PRKCZ: variants seen among roughly 807,000 people sequenced by gnomAD.
PRKCZ encodes protein kinase C zeta, also known as protein kinase C zeta type.
In PRKCZ, 33 loss-of-function variants were observed where a neutral mutation model predicts 79.5. The ratio of observed to expected loss-of-function variants is 0.41; its 90% CI spans 0.31 to 0.55. The LOEUF is 0.55. Ranked by LOEUF, PRKCZ falls within the 20% of genes least tolerant of loss-of-function variation. The probability of loss-of-function intolerance (pLI) is 0.19; values close to 1 mark genes in which losing one functional copy is unlikely to be tolerated. For synonymous variants in PRKCZ, 342 were observed against 320.9 expected (o/e 1.07, Z -0.70); for missense variants, 578 against 813.5 (o/e 0.71, Z 3.52).
At chr1:2,137,074 G>A (rs868385969) in intron 5 of PRKCZ, among the ~76,000 whole-genome samples, 13 of 152,288 alleles carry the variant, frequency 8.5e-5, no homozygotes, top group Non-Finnish European at 5.9e-5. Context: ...AGCCTCAGAA[G>A]CAGGGAAGCC....
chr1:2,062,294 T>C (rs1270539379), intron 4 of PRKCZ, among the ~76,000 whole-genome samples: 2 of 152,154 alleles, frequency 1.3e-5, no homozygotes, highest in African/African-American at 4.8e-5. Context: ...GCTCAGCCTC[T>C]GTCTCTGTGG....
chr1:2,119,887 A>G lies in PRKCZ; in HGVS notation c.335-15375A>G, dbSNP rs573094427. 5.3e-4 allele frequency among the ~76,000 whole-genome samples: 81 copies of G among 151,514 alleles called. 2 individuals carry two copies. Among genetic ancestry groups the G allele is most frequent in the African/African-American group, 1.9e-3 (79 of 41,220 alleles). ...CTGCAGCCTCCACCTCCCAGGTTCA[A>G]GCGATTCTCCTGGCTCAGCCTCCTG... is the stretch of plus-strand genomic sequence containing the variant. On this transcript the variant is annotated intron_variant, in intron 4 of 17. Coordinates refer to ENST00000378567, the MANE Select transcript of PRKCZ (RefSeq NM_002744.6).
intron 11 of PRKCZ, chr1:2,171,575 C>A (rs1684444444): frequency 6.5e-6 from 1 of 154,518 alleles, no homozygotes; most frequent in African/African-American, 2.4e-5. Flanking sequence ...GCCATGTTGC[C>A]CAGGCTGGTC....
chr1:2,131,707 C>T (rs914081754), intron 4 of PRKCZ, among the ~76,000 whole-genome samples: 10 of 152,200 alleles, frequency 6.6e-5, no homozygotes, highest in South Asian at 2.1e-4. Context: ...GGCTGTCCCC[C>T]GCCGCTGCTA....
chr1:2,181,783 G>A (rs1246374458), intron 16 of PRKCZ: 2 of 454,644 alleles, frequency 4.4e-6, no homozygotes, highest in South Asian at 1.6e-5. Flanking sequence ...CAGGACTAAG[G>A]TAGGGAAAGT....
At chr1:2,158,662 A>C (rs557031524) in intron 10 of PRKCZ, among the ~76,000 whole-genome samples, 1 of 152,292 alleles carries the variant, frequency 6.6e-6, no homozygotes, top group South Asian at 2.1e-4. Flanking sequence ...GTTCTTCTTC[A>C]TATGTGAACT....
At chr1:2,108,620 T>C (rs541454713) in intron 4 of PRKCZ, among the ~76,000 whole-genome samples, 12 of 152,320 alleles carry the variant, frequency 7.9e-5, no homozygotes, top group African/African-American at 2.6e-4. Context: ...TCTCCAGCCA[T>C]GTCCCCAGGA....
intron 10 of PRKCZ, among the ~76,000 whole-genome samples, chr1:2,158,882 T>G (rs1681650833): frequency 6.6e-6 from 1 of 152,054 alleles, no homozygotes; most frequent in Non-Finnish European, 1.5e-5. Context: ...GTGGGAGCAT[T>G]CGGCATTCAC....
At chr1:2,061,043 C>T (rs1454883730) in intron 4 of PRKCZ, among the ~76,000 whole-genome samples, 10 of 152,228 alleles carry the variant, frequency 6.6e-5, no homozygotes, top group African/African-American at 2.2e-4. Context: ...GATGGTTGTC[C>T]CCTCCACAGC....
Position 2,127,951 on chromosome 1 carries a change from C to T in PRKCZ, c.335-7311C>T, listed in dbSNP as rs1027611817. Among the ~76,000 whole-genome samples the T allele has an allele frequency of 1.3e-5, 2 of 152,202 alleles. No individual in the cohort carries two copies. The highest frequency in any genetic ancestry group is 2.9e-5 in the Non-Finnish European group (2 of 68,042). On this transcript the variant is annotated intron_variant, in intron 4 of 17. Coordinates refer to ENST00000378567, the MANE Select transcript of PRKCZ (RefSeq NM_002744.6). This position sits in a 1 kb window ranked among gnomAD's most constrained non-coding sequence, Gnocchi z 5.1. ...ATTGCTGTTCTTGTGTCTCTATTTG[C>T]CTAGGACATGCTGGCAGCTAACTGG...
At chr1:2,080,463 ATGC>A (rs1259372418) in intron 4 of PRKCZ, among the ~76,000 whole-genome samples, 1 of 151,990 alleles carries the variant, frequency 6.6e-6, no homozygotes, top group Non-Finnish European at 1.5e-5. Flanking sequence ...TTTTTCCTTG[ATGC>A]TGCCCCCCGT....
chr1:2,094,965 G>A lies in PRKCZ; in HGVS notation c.334+35374G>A, dbSNP rs1436736745. On this transcript the variant is annotated intron_variant, in intron 4 of 17. Coordinates refer to ENST00000378567, the MANE Select transcript of PRKCZ (RefSeq NM_002744.6). The surrounding 1 kb of genome is among the most constrained non-coding windows in gnomAD (Gnocchi z 7.3). ...GTTCTCTCCCTGCCCCCGCCGGCAT[G>A]ACACGGACACTGGTGCCCGAGTGAT... Among the ~76,000 whole-genome samples, 2 of 152,138 alleles carry A rather than the reference G, an allele frequency of 1.3e-5. No individual in the cohort carries two copies. Among genetic ancestry groups the A allele is most frequent in the African/African-American group, 4.8e-5 (2 of 41,378 alleles).
intron 4 of PRKCZ, among the ~76,000 whole-genome samples, chr1:2,103,890 C>T (rs370335281): frequency 6.6e-6 from 1 of 152,294 alleles, no homozygotes; most frequent in Admixed American, 6.5e-5. Context: ...GGGCAACGCG[C>T]CCCCGTTTAA....
At chr1:2,089,604 A>G (rs1258126302) in intron 4 of PRKCZ, among the ~76,000 whole-genome samples, 2 of 152,132 alleles carry the variant, frequency 1.3e-5, no homozygotes, top group Admixed American at 1.3e-4. Context: ...GGTCCCTTTG[A>G]AAAGCACTAT....
chr1:2,096,696 A>T (rs1319430309), intron 4 of PRKCZ, among the ~76,000 whole-genome samples: 5 of 151,940 alleles, frequency 3.3e-5, no homozygotes, highest in African/African-American at 1.2e-4. Flanking sequence ...GTGAATGTGG[A>T]GCTGAGCGGT....
intron 4 of PRKCZ, among the ~76,000 whole-genome samples, chr1:2,117,684 T>G (rs1671014907): frequency 6.6e-6 from 1 of 152,236 alleles, no homozygotes. Context: ...CTGTTTTTCC[T>G]TCGTAAATCC....
intron 1 of PRKCZ, among the ~76,000 whole-genome samples, chr1:2,054,750 C>A (rs1159476094): frequency 6.6e-6 from 1 of 152,048 alleles, no homozygotes; most frequent in Non-Finnish European, 1.5e-5. Context: ...GTGAAGCCGG[C>A]GGCCTGCACC....
At chr1:2,084,528 G>A (rs1664138575) in intron 4 of PRKCZ, among the ~76,000 whole-genome samples, 1 of 152,222 alleles carries the variant, frequency 6.6e-6, no homozygotes, top group Admixed American at 6.5e-5. Context: ...ACAGATGGGC[G>A]TACCTGCGTC....
chr1:2,117,472 G>A (rs770075766), intron 4 of PRKCZ, among the ~76,000 whole-genome samples: 1 of 151,722 alleles, frequency 6.6e-6, no homozygotes, highest in Non-Finnish European at 1.5e-5. Flanking sequence ...TGGTTGCTCC[G>A]GAACCTCTCT....
Sources: allele counts gnomAD v4.1 joint callset (sites outside exome capture counted in the v4.1 genomes callset), GRCh38; gene constraint gnomAD v4.1.1; non-coding constraint Gnocchi (gnomAD v3.1); transcripts MANE v1.5; gene names NCBI Gene and HGNC (gene_info 2026-07-23, HGNC 2026-07-21).